The following SPDYE5 variants were observed in gnomAD, a reference collection of about 807,000 sequenced individuals.
SPDYE5 encodes the protein speedy/RINGO cell cycle regulator family member E5.
SPDYE5 carries 15 observed loss-of-function variants against 48.5 expected under a neutral mutation model. The ratio of observed to expected loss-of-function variants is 0.31; its 90% CI spans 0.21 to 0.48. The LOEUF is 0.48. Ranked by LOEUF, SPDYE5 falls within the 20% of genes least tolerant of loss-of-function variation. The probability of loss-of-function intolerance (pLI) is 0.99; values close to 1 mark genes in which losing one functional copy is unlikely to be tolerated. For missense variants in SPDYE5, 331 were observed against 549.1 expected (o/e 0.60, Z 3.97); for synonymous variants, 116 against 200.7 (o/e 0.58, Z 3.57).
chr7:75,500,624 C>A (rs1471707532), intron 6 of SPDYE5, among the ~76,000 whole-genome samples: 3 of 151,352 alleles, frequency 2.0e-5, no homozygotes, highest in African/African-American at 7.3e-5. Flanking sequence ...GCCTCCATAT[C>A]CTGGGCTCAA....
At position 75,502,598 on chromosome 7, in the gene SPDYE5, G is replaced by A. The variant is rs1160930531; in HGVS notation, c.*46-235G>A. Among the ~76,000 whole-genome samples the A allele has an allele frequency of 2.0e-5, 3 of 151,244 alleles. No individual in the cohort carries two copies. In the East Asian group the frequency reaches 5.8e-4, roughly 29 times the overall value. ...CAGACCCACCCAAAGTCCTTGCTAT[G>A]AAGCAGATCACTGGGGCTGACCTTG... On this transcript the variant is annotated intron_variant, in intron 8 of 8. Coordinates refer to ENST00000625065, the MANE Select transcript of SPDYE5 (RefSeq NM_001306141.4).
rs1374211264 is a variant in SPDYE5, at chr7:75,501,496, C to T, written c.890C>T (p.Pro297Leu). 25 of 1,440,826 alleles carry T rather than the reference C, an allele frequency of 1.7e-5. 1 individual carries two copies. In the African/African-American group the frequency reaches 2.1e-4, roughly 12 times the overall value. 89.3% of individuals were successfully genotyped at this position (1,440,826 alleles called of 1,614,324 possible). ...RWFQLGRSMN[P>L]RARKKRSRIP... is the part of the protein sequence containing the mutation. ...TTCCAGTTAGGCCGTTCCATGAACC[C>T]GAGGGCCAGGAAGAAGCGCTCTCGC... The change falls in exon 7 of 9, where the codon CCG becomes CTG. Residue 297 changes from proline (P) to leucine (L), a missense_variant. By Grantham distance (98) the Pro-to-Leu change is moderately conservative. Coordinates refer to ENST00000625065, the MANE Select transcript of SPDYE5 (RefSeq NM_001306141.4).
At position 75,501,732 on chromosome 7, in the gene SPDYE5, G is replaced by A. The variant is rs1433958792; in HGVS notation, c.1126G>A (p.Val376Ile). 2 of 1,592,130 alleles carry A rather than the reference G, an allele frequency of 1.3e-6. No homozygotes were observed. Among genetic ancestry groups the A allele is most frequent in the African/African-American group, 2.7e-5 (2 of 74,218 alleles). Residue 376 changes from valine to isoleucine, a missense_variant, in exon 7 of 9, where the codon GTT becomes ATT. Val to Ile is a conservative substitution (Grantham distance 29). Transcript: ENST00000625065. ...FFCSMSGRAWVSPEELEEIQA... is the reference protein window; with the variant it reads ...FFCSMSGRAWISPEELEEIQA... ...CTGTTCCATGAGCGGCAGGGCTTGG[G>A]TTTCCCCGGAGGAGTTGGAGGAGGT...
rs1193038410 is a variant in SPDYE5, at chr7:75,503,087, A to G, written c.*300A>G. On this transcript the variant is annotated 3_prime_UTR_variant, in exon 9 of 9. Transcript: ENST00000625065. ...TGTTTCCAGTTCCACCCTTTCCTGC[A>G]GCACCACCACCCTTTCTATATTGCT... 1.4e-3 allele frequency: 751 copies of G among 526,376 alleles called. 4 individuals carry two copies. The highest frequency in any genetic ancestry group is 2.1e-3 in the Non-Finnish European group (584 of 280,326). The allele number at this position is 526,376 out of a possible 1,614,324, so 32.6% of individuals were successfully genotyped here. A position where few individuals can be genotyped will look rare whatever the true frequency, so the allele number is the denominator to read the frequency against.
At position 75,501,380 on chromosome 7, in the gene SPDYE5, G is replaced by C; in HGVS notation, c.774G>C (p.Met258Ile). The change falls in exon 7 of 9, where the codon ATG (methionine) becomes ATC (isoleucine). Residue 258 changes from methionine to isoleucine, a missense_variant. Transcript: ENST00000625065. The stretch of plus-strand genomic sequence containing the variant: ...TCCTCAGCTACCTGGCCAATGACAT[G>C]GAGGAGGACGACGAGGACTCCAAAC... ...FFLALYLAND[M>I]EEDDEDSKQN... is the part of the protein sequence containing the mutation. The C allele has an allele frequency of 1.2e-6, 2 of 1,612,272 alleles. No homozygotes were observed. Among genetic ancestry groups the C allele is most frequent in the Non-Finnish European group, 1.7e-6 (2 of 1,179,914 alleles).
At chr7:75,491,701 CATTTTTTTTTT>C (rs1792739748), upstream of SPDYE5, among the ~76,000 whole-genome samples, 1 of 114,076 alleles carries the variant, frequency 8.8e-6, no homozygotes, top group Non-Finnish European at 1.9e-5. Flanking sequence ...GCTGTTTAGC[CATTTTTTTTTT>C]TTTTTTTTTT....
At chr7:75,494,448 G>A (rs1696074820) in intron 2 of SPDYE5, among the ~76,000 whole-genome samples, 1 of 151,034 alleles carries the variant, frequency 6.6e-6, no homozygotes, top group African/African-American at 2.4e-5. Context: ...TCAGGAGGCT[G>A]AGACAGGCGA....
At chr7:75,499,617 A>G (rs1170416533) in intron 6 of SPDYE5, among the ~76,000 whole-genome samples, 1 of 151,926 alleles carries the variant, frequency 6.6e-6, no homozygotes, top group African/African-American at 2.4e-5. Flanking sequence ...AAATAGAAAA[A>G]TTAGCTGGGC....
chr7:75,493,736 G>A lies in SPDYE5; in HGVS notation c.-312G>A, dbSNP rs1792819996. The A allele has an allele frequency of 1.1e-5, 16 of 1,414,538 alleles. No homozygotes were observed. Among genetic ancestry groups the A allele is most frequent in the Middle Eastern group, 2.6e-4 (1 of 3,866 alleles). The allele number at this position is 1,414,538 out of a possible 1,614,324, so 87.6% of individuals were successfully genotyped here. ...GGGACAGGGAACAGAGGGATGTGGA[G>A]TCCCTGAAGATGCTTTTGGACAATG... On this transcript the variant is annotated 5_prime_UTR_variant, in exon 2 of 9. Coordinates refer to ENST00000625065, the MANE Select transcript of SPDYE5 (RefSeq NM_001306141.4).
At chr7:75,501,030 G>A (rs1324372713) in intron 6 of SPDYE5, among the ~76,000 whole-genome samples, 1 of 152,128 alleles carries the variant, frequency 6.6e-6, no homozygotes, top group African/African-American at 2.4e-5. Context: ...TTTTAATAGA[G>A]ACGAGGGTCT....
chr7:75,492,913 G>A (rs1202095190), intron 1 of SPDYE5, among the ~76,000 whole-genome samples: 1 of 152,042 alleles, frequency 6.6e-6, no homozygotes, highest in Non-Finnish European at 1.5e-5. Flanking sequence ...TTCCTGTCAC[G>A]AGTCTCCCAA....
rs1237792548 is a variant in SPDYE5 at position 75,503,704 on chromosome 7, A to G, written c.*917A>G. On this transcript the variant is annotated 3_prime_UTR_variant, in exon 9 of 9. Coordinates refer to ENST00000625065, the MANE Select transcript of SPDYE5 (RefSeq NM_001306141.4). ...ACATGTCTCAGATATATATACTAACACGTCTAATATATACTATCTATTTTA... is the reference window on the plus strand; with the variant it reads ...ACATGTCTCAGATATATATACTAACGCGTCTAATATATACTATCTATTTTA... 6.7e-6 allele frequency: 1 copy of G among 150,048 alleles called. No homozygotes were observed. Among genetic ancestry groups the G allele is most frequent in the Non-Finnish European group, 1.5e-5 (1 of 67,482 alleles). The allele number at this position is 150,048 out of a possible 1,614,324, so 9.3% of individuals were successfully genotyped here. A position where few individuals can be genotyped will look rare whatever the true frequency, so the allele number is the denominator to read the frequency against.
chr7:75,494,825 T>G (rs1483407692), intron 2 of SPDYE5: 1 of 938,812 alleles, frequency 1.1e-6, no homozygotes, highest in Non-Finnish European at 1.3e-6. Context: ...AGATGGATGT[T>G]GCAGTGAGCT....
In SPDYE5 at chr7:75,503,758, GAATT is replaced by G. The variant is rs1268820738; in HGVS notation, c.*973_*976del. 3.4e-5 allele frequency: 5 copies of G among 148,938 alleles called. No individual in the cohort carries two copies. Among genetic ancestry groups the G allele is most frequent in the African/African-American group, 7.3e-5 (3 of 40,918 alleles). The allele number at this position is 148,938 out of a possible 1,614,324, so 9.2% of individuals were successfully genotyped here. On this transcript the variant is annotated 3_prime_UTR_variant, in exon 9 of 9. Transcript: ENST00000625065. The stretch of plus-strand genomic sequence containing the variant: ...GTTTATTTTGAAAAACATGGGTATA[GAATT>G]ATTTAAATATTATTTTATTTATTGA...
Position 75,501,483 on chromosome 7 carries a change from C to G in SPDYE5, c.877C>G (p.Arg293Gly). 1 of 1,494,676 alleles carries G rather than the reference C, an allele frequency of 6.7e-7. No homozygotes were observed. Among genetic ancestry groups the G allele is most frequent in the Non-Finnish European group, 9.0e-7 (1 of 1,114,094 alleles). 92.6% of individuals were successfully genotyped at this position (1,494,676 alleles called of 1,614,324 possible). ...CCGTAAGCGTTGGTTCCAGTTAGGC[C>G]GTTCCATGAACCCGAGGGCCAGGAA... is the stretch of plus-strand genomic sequence containing the variant. Reference protein sequence around the residue: ...LLRKRWFQLGRSMNPRARKKR... With the variant: ...LLRKRWFQLGGSMNPRARKKR... The change falls in exon 7 of 9, where the codon CGT (arginine) becomes GGT (glycine). Residue 293 changes from arginine (R) to glycine (G), a missense_variant. By Grantham distance (125) the Arg-to-Gly change is moderately radical. Coordinates refer to ENST00000625065, the MANE Select transcript of SPDYE5 (RefSeq NM_001306141.4).
At chr7:75,497,007 T>G in intron 4 of SPDYE5, 103 bp downstream of exon 4, 1 of 853,408 alleles carries the variant, frequency 1.2e-6, no homozygotes, top group Non-Finnish European at 1.8e-6. Flanking sequence ...CCCCAGTGGG[T>G]GAGCTCTCCA....
intron 6 of SPDYE5, among the ~76,000 whole-genome samples, chr7:75,500,990 G>C (rs1378823151): frequency 6.6e-6 from 1 of 152,174 alleles, no homozygotes; most frequent in African/African-American, 2.4e-5. Flanking sequence ...TTACAGGCAT[G>C]AGCCACCGCG....
In SPDYE5 at chr7:75,502,123, C is replaced by T. The variant is rs587681302; in HGVS notation, c.*45+141C>T. ...CACAAAAATACAAAAATTAGCCAGG[C>T]GATGTGGGAGGCATCTCTACTCCCA... is the stretch of plus-strand genomic sequence containing the variant. On this transcript the variant is annotated intron_variant, in intron 8 of 8. Coordinates refer to ENST00000625065, the MANE Select transcript of SPDYE5 (RefSeq NM_001306141.4). 4.2e-5 allele frequency: 47 copies of T among 1,110,490 alleles called. No homozygotes were observed. The South Asian group carries it at 6.7e-4, about 16-fold the overall frequency. 68.8% of individuals were successfully genotyped at this position (1,110,490 alleles called of 1,614,324 possible).
At position 75,501,628 on chromosome 7, in the gene SPDYE5, T is replaced by G. The variant is rs1554483554; in HGVS notation, c.1022T>G (p.Leu341Ter). The G allele has an allele frequency of 3.1e-6, 5 of 1,613,172 alleles. No homozygotes were observed. The South Asian group carries it at 4.4e-5, about 14-fold the overall frequency. ...IPLLRKRRFQ[L>*]GRSMNLRARK... ...TTGCTCCGTAAGCGTCGGTTCCAGT[T>G]AGGCCGTTCCATGAACCTGAGGGCC... Residue 341 changes from leucine (L) to a stop codon, truncating the protein, a stop_gained, in exon 7 of 9, where the codon TTA becomes TGA. Transcript: ENST00000625065. LOFTEE classifies it high-confidence loss of function.
Sources: allele counts gnomAD v4.1 joint callset (sites outside exome capture counted in the v4.1 genomes callset), GRCh38; gene constraint gnomAD v4.1.1; transcripts MANE v1.5; gene names NCBI Gene and HGNC (gene_info 2026-07-23, HGNC 2026-07-21).